The following GPC6 variants were observed in gnomAD, a reference collection of about 807,000 sequenced individuals.
GPC6 encodes the protein glypican 6.
GPC6 carries 14 observed loss-of-function variants against 55.2 expected under a neutral mutation model. The observed-to-expected ratio is 0.25, with a 90% confidence interval of 0.17 to 0.40. The LOEUF is 0.40. GPC6 is among the 10% of genes least tolerant of loss of function. The pLI is 1.00. For synonymous variants in GPC6, 278 were observed against 259.6 expected (o/e 1.07, Z -0.68); for missense variants, 641 against 708.5 (o/e 0.90, Z 1.08).
chr13:94,031,756 C>G (rs74111409), intron 4 of GPC6, among the ~76,000 whole-genome samples: 1,770 of 152,290 alleles, frequency 0.012, 34 homozygotes, highest in African/African-American at 0.039. Flanking sequence ...TCAGTAATAT[C>G]CTGTGGTTAT....
chr13:94,103,551 G>A (rs1051519917), intron 4 of GPC6, among the ~76,000 whole-genome samples: 4 of 152,134 alleles, frequency 2.6e-5, no homozygotes, highest in African/African-American at 4.8e-5. Flanking sequence ...AGCACCTGTT[G>A]TTTCCTGACT....
intron 1 of GPC6, among the ~76,000 whole-genome samples, chr13:93,278,498 TATATC>T (rs1286762440): frequency 2.6e-5 from 4 of 152,232 alleles, no homozygotes; most frequent in Admixed American, 2.6e-4. Context: ...CTACTTGAAA[TATATC>T]ATAAAGAAAT....
intron 3 of GPC6, among the ~76,000 whole-genome samples, chr13:94,010,720 A>C (rs546784499): frequency 6.6e-6 from 1 of 150,700 alleles, no homozygotes; most frequent in South Asian, 2.1e-4. Flanking sequence ...GCAATGTGGG[A>C]AGTATTCTTA....
At chr13:94,308,173 C>T (rs919113859) in intron 6 of GPC6, among the ~76,000 whole-genome samples, 7 of 152,102 alleles carry the variant, frequency 4.6e-5, no homozygotes, top group African/African-American at 1.2e-4. Context: ...ACAGAGAAGC[C>T]GTTTTCCTTC....
intron 2 of GPC6, among the ~76,000 whole-genome samples, chr13:93,608,287 A>G (rs577174530): frequency 1.4e-4 from 22 of 152,004 alleles, no homozygotes; most frequent in African/African-American, 4.6e-4. Flanking sequence ...CTATTCAATT[A>G]CTGTTGTATT....
At chr13:93,370,819 C>T (rs1255508995) in intron 1 of GPC6, among the ~76,000 whole-genome samples, 1 of 152,156 alleles carries the variant, frequency 6.6e-6, no homozygotes, top group African/African-American at 2.4e-5. Flanking sequence ...AAACATTTCA[C>T]ATAGAGGTAT....
At chr13:93,978,897 A>G (rs1199736246) in intron 3 of GPC6, among the ~76,000 whole-genome samples, 3 of 152,160 alleles carry the variant, frequency 2.0e-5, no homozygotes, top group African/African-American at 7.2e-5. Context: ...TTTATTTTGA[A>G]TGGTTATAGT....
chr13:93,893,595 A>G (rs985990064), intron 3 of GPC6, among the ~76,000 whole-genome samples: 1 of 152,102 alleles, frequency 6.6e-6, no homozygotes, highest in South Asian at 2.1e-4. Flanking sequence ...AATTCACCTA[A>G]TATTACTGTT....
At chr13:94,191,381 G>A (rs1408512575) in intron 4 of GPC6, among the ~76,000 whole-genome samples, 1 of 152,126 alleles carries the variant, frequency 6.6e-6, no homozygotes, top group Non-Finnish European at 1.5e-5. Context: ...GGGATTACTG[G>A]CTTTAAATGT....
At chr13:93,740,629 A>G (rs535354481) in intron 2 of GPC6, among the ~76,000 whole-genome samples, 63 of 152,344 alleles carry the variant, frequency 4.1e-4, no homozygotes, top group Middle Eastern at 6.8e-3. Context: ...ATTTTATGAG[A>G]TAAAATCTCC....
intron 1 of GPC6, among the ~76,000 whole-genome samples, chr13:93,487,834 C>T (rs1032904146): frequency 4.6e-5 from 7 of 152,300 alleles, no homozygotes; most frequent in African/African-American, 1.4e-4. Flanking sequence ...TGTTTTGAAT[C>T]TGTTTTATTT....
intron 1 of GPC6, among the ~76,000 whole-genome samples, chr13:93,489,938 T>C (rs1327364380): frequency 3.3e-5 from 5 of 151,488 alleles, no homozygotes; most frequent in African/African-American, 9.7e-5. Flanking sequence ...CTTCCTCTTT[T>C]CCTAATTGAA....
chr13:93,500,752 G>A (rs1329476423), intron 1 of GPC6, among the ~76,000 whole-genome samples: 2 of 152,138 alleles, frequency 1.3e-5, no homozygotes, highest in East Asian at 1.9e-4. Context: ...TTTAAGGAGT[G>A]TAGAAAGTGT....
At chr13:94,063,172 G>A (rs1884393470) in intron 4 of GPC6, among the ~76,000 whole-genome samples, 1 of 152,188 alleles carries the variant, frequency 6.6e-6, no homozygotes, top group Non-Finnish European at 1.5e-5. Context: ...AATTGTGAGT[G>A]AGACATCTCT....
intron 6 of GPC6, among the ~76,000 whole-genome samples, chr13:94,363,154 C>A (rs1879133735): frequency 6.6e-6 from 1 of 152,128 alleles, no homozygotes; most frequent in Admixed American, 6.5e-5. Context: ...AAAACCACCA[C>A]ATATCTGGTG....
intron 1 of GPC6, among the ~76,000 whole-genome samples, chr13:93,307,528 A>G (rs184379112): frequency 6.6e-6 from 1 of 152,090 alleles, no homozygotes; most frequent in Admixed American, 6.5e-5. Context: ...CTAATTATAA[A>G]CCACTCATAC....
chr13:93,389,004 C>T (rs1384134640), intron 1 of GPC6, among the ~76,000 whole-genome samples: 1 of 152,056 alleles, frequency 6.6e-6, no homozygotes, highest in African/African-American at 2.4e-5. Context: ...CCACTGAGCC[C>T]TAAACACAGA....
At chr13:93,655,144 C>T (rs1008320075) in intron 2 of GPC6, among the ~76,000 whole-genome samples, 1 of 151,844 alleles carries the variant, frequency 6.6e-6, no homozygotes, top group African/African-American at 2.4e-5. Flanking sequence ...CCACCGCGCC[C>T]GGCCCATAAC....
intron 4 of GPC6, among the ~76,000 whole-genome samples, chr13:94,106,769 T>C (rs1395251010): frequency 6.6e-6 from 1 of 152,010 alleles, no homozygotes; most frequent in Non-Finnish European, 1.5e-5. Context: ...AGTAGTAAAG[T>C]ATAAATGGCC....
Sources: allele counts gnomAD v4.1 joint callset (sites outside exome capture counted in the v4.1 genomes callset), GRCh38; gene constraint gnomAD v4.1.1; transcripts MANE v1.5; gene names NCBI Gene and HGNC (gene_info 2026-07-23, HGNC 2026-07-21).